SOCS2: variants seen among roughly 807,000 people sequenced by gnomAD.
SOCS2 encodes CIS-2.
Under a neutral mutation model 18.6 loss-of-function variants are expected in SOCS2, and 10 were observed. The observed-to-expected ratio is 0.54, with a 90% CI of 0.33 to 0.91. The LOEUF is 0.91. Ranked by LOEUF, SOCS2 falls within the 40% of genes least tolerant of loss-of-function variation. The probability of loss-of-function intolerance (pLI) is 0.02; values close to 1 mark genes in which losing one functional copy is unlikely to be tolerated. For missense variants in SOCS2, 231 were observed against 247.2 expected (o/e 0.93, Z 0.44); for synonymous variants, 104 against 104.0 (o/e 1.00, Z 0.00).
At chr12:93,622,913 T>C in the SOCS2 span, among the ~76,000 whole-genome samples, 2 of 151,986 alleles carry the variant, frequency 1.3e-5, no homozygotes, top group Non-Finnish European at 2.9e-5. Context: ...ATGACTAGTT[T>C]AGGTGGATTT....
chr12:93,612,442 A>C, the SOCS2 span, among the ~76,000 whole-genome samples: 1 of 151,876 alleles, frequency 6.6e-6, no homozygotes, highest in Non-Finnish European at 1.5e-5. Flanking sequence ...TTCCATATTT[A>C]CAACTCCTTG....
the SOCS2 span, among the ~76,000 whole-genome samples, chr12:93,600,187 T>C: frequency 1.3e-5 from 2 of 152,326 alleles, no homozygotes; most frequent in African/African-American, 4.8e-5. Flanking sequence ...AAAAAATTAT[T>C]TTTCTTTTCT....
rs545574930 is a variant in SOCS2 at position 93,575,778 on chromosome 12, T to C, written c.*599T>C. ...TTGTCTTTTTACTACATGTAGGAAC[T>C]CTCATGTGAATGAGTACTGTAGTAA... On this transcript the variant is annotated 3_prime_UTR_variant, in exon 2 of 2. Coordinates refer to ENST00000551556, the MANE Select transcript of SOCS2 (RefSeq NM_001270471.2). The C allele has an allele frequency of 1.3e-5, 2 of 152,802 alleles. No individual in the cohort carries two copies. Among genetic ancestry groups the C allele is most frequent in the East Asian group, 3.9e-4 (2 of 5,186 alleles). 9.5% of individuals were successfully genotyped at this position (152,802 alleles called of 1,614,324 possible). A position where few individuals can be genotyped will look rare whatever the true frequency, so the allele number is the denominator to read the frequency against.
At chr12:93,592,795 A>C in the SOCS2 span, among the ~76,000 whole-genome samples, 1 of 152,208 alleles carries the variant, frequency 6.6e-6, no homozygotes, top group Non-Finnish European at 1.5e-5. Context: ...AAAGGCCTCA[A>C]CAACTTCGTC....
chr12:93,600,049 C>T, the SOCS2 span, among the ~76,000 whole-genome samples: 1 of 151,954 alleles, frequency 6.6e-6, no homozygotes. Context: ...TCAGATTTAC[C>T]AATCTTATTC....
In SOCS2 at chr12:93,574,880, C is replaced by G. The variant is rs1284664185; in HGVS notation, c.298C>G (p.Gln100Glu). Residue 100 changes from glutamine to glutamate, a missense_variant, in exon 2 of 2, where the codon CAA (glutamine) becomes GAA (glutamate). Physicochemically the swap from Gln to Glu is conservative, Grantham distance 29. Transcript: ENST00000551556. ...AGPTNLRIEY[Q>E]DGKFRLDSII... is the part of the protein sequence containing the mutation. ...ACCAACTAATCTTCGAATCGAATAC[C>G]AAGACGGAAAATTCAGATTGGACTC... 1 of 1,614,126 alleles carries G rather than the reference C, an allele frequency of 6.2e-7. No individual in the cohort carries two copies. Among genetic ancestry groups the G allele is most frequent in the Non-Finnish European group, 8.5e-7 (1 of 1,180,024 alleles).
the SOCS2 span, among the ~76,000 whole-genome samples, chr12:93,614,478 C>CCTTTCTTT: frequency 2.0e-4 from 10 of 49,436 alleles, no homozygotes; most frequent in Middle Eastern, 8.3e-3. Context: ...TTCCTTCCTT[C>CCTTTCTTT]CTTTCCTTCC....
Position 93,572,863 on chromosome 12 carries a change from C to T in SOCS2, c.-35C>T, listed in dbSNP as rs1373531712. 9 of 1,559,450 alleles carry T rather than the reference C, an allele frequency of 5.8e-6. No homozygotes were observed. The highest frequency in any genetic ancestry group is 1.9e-5 in the Admixed American group (1 of 52,942). On this transcript the variant is annotated 5_prime_UTR_variant, in exon 1 of 2. Coordinates refer to ENST00000551556, the MANE Select transcript of SOCS2 (RefSeq NM_001270471.2). The surrounding 1 kb of genome is among the most constrained non-coding windows in gnomAD (Gnocchi z 5.0). The stretch of plus-strand genomic sequence containing the variant: ...AACCCTTCTCTGACCCCAGCTCGGG[C>T]GGCCACCTGTCTTTGCCGCGGTGAC...
At chr12:93,593,911 A>T in the SOCS2 span, among the ~76,000 whole-genome samples, 3 of 152,352 alleles carry the variant, frequency 2.0e-5, no homozygotes, top group Admixed American at 6.5e-5. Flanking sequence ...ATCTGCCTTA[A>T]AATAAAGGAA....
At chr12:93,588,924 A>G in the SOCS2 span, among the ~76,000 whole-genome samples, 1 of 152,058 alleles carries the variant, frequency 6.6e-6, no homozygotes, top group Non-Finnish European at 1.5e-5. Flanking sequence ...GCCTGGCCTG[A>G]CAGAGTGAAT....
chr12:93,597,063 T>G, the SOCS2 span, among the ~76,000 whole-genome samples: 1 of 152,234 alleles, frequency 6.6e-6, no homozygotes, highest in African/African-American at 2.4e-5. Flanking sequence ...AAGGCCTGTG[T>G]ACCTGTCACC....
At chr12:93,573,228 T>C in intron 1 of SOCS2, 192 bp downstream of exon 1, 1 of 701,206 alleles carries the variant, frequency 1.4e-6, no homozygotes, top group Non-Finnish European at 2.3e-6. Flanking sequence ...CTCCAGGGAC[T>C]CAGGCCTGGC....
chr12:93,582,994 GGTTTT>G (rs1207479800), intron 1 of SOCS2: 25 of 146,622 alleles, frequency 1.7e-4, no homozygotes, highest in East Asian at 2.0e-4. Context: ...CTTAACTCTG[GGTTTT>G]GTTTTTTTTT....
At chr12:93,610,957 G>T in the SOCS2 span, among the ~76,000 whole-genome samples, 1 of 152,066 alleles carries the variant, frequency 6.6e-6, no homozygotes, top group Non-Finnish European at 1.5e-5. Flanking sequence ...GGCCATACTT[G>T]GTGTTTTATT....
chr12:93,577,171 T>C (rs766362057), downstream of SOCS2, among the ~76,000 whole-genome samples: 13 of 152,130 alleles, frequency 8.5e-5, no homozygotes, highest in South Asian at 2.1e-4. Context: ...ACCTGTGAAA[T>C]TGGAAAAAGT....
chr12:93,599,542 T>C, the SOCS2 span, among the ~76,000 whole-genome samples: 1 of 152,222 alleles, frequency 6.6e-6, no homozygotes, highest in Non-Finnish European at 1.5e-5. Flanking sequence ...CATTGATATA[T>C]ACATTGAAAA....
Position 93,575,123 on chromosome 12 carries a change from C to T in SOCS2, c.541C>T (p.Leu181=). The T allele has an allele frequency of 6.3e-7, 1 of 1,586,192 alleles. No homozygotes were observed. Among genetic ancestry groups the T allele is most frequent in the Non-Finnish European group, 8.5e-7 (1 of 1,171,622 alleles). The part of the protein sequence containing the change: ...INKCTGAIWG[L]PLPTRLKDYL... The stretch of plus-strand genomic sequence containing the variant: ...CAAATGTACCGGTGCCATCTGGGGA[C>T]TGCCTTTACCAACAAGACTAAAAGA... The change falls in exon 2 of 2, where the codon CTG becomes TTG. Residue 181 remains leucine (L), a synonymous_variant. Transcript: ENST00000551556.
At chr12:93,609,499 C>T in the SOCS2 span, among the ~76,000 whole-genome samples, 1 of 151,228 alleles carries the variant, frequency 6.6e-6, no homozygotes, top group Non-Finnish European at 1.5e-5. Context: ...AAATTAATTA[C>T]ATTGATTTAC....
chr12:93,623,125 G>T, the SOCS2 span, among the ~76,000 whole-genome samples: 1 of 152,118 alleles, frequency 6.6e-6, no homozygotes, highest in South Asian at 2.1e-4. Context: ...TGTCAGGGAA[G>T]GGCCTGGTGG....
Sources: gnomAD v4.1 joint callset for allele counts (sites outside exome capture counted in the v4.1 genomes callset) on GRCh38, gnomAD v4.1.1 for gene constraint, Gnocchi (gnomAD v3.1) non-coding constraint, MANE v1.5 for transcripts, NCBI Gene and HGNC (gene_info 2026-07-23, HGNC 2026-07-21) for gene names.